Variants in GNG12 observed in about 807,000 individuals in gnomAD.
GNG12 encodes guanine nucleotide-binding protein G(I)/G(S)/G(O) subunit gamma-12.
For missense variants in GNG12, 69 were observed against 83.8 expected (o/e 0.82, Z 0.69); for synonymous variants, 28 against 29.7 (o/e 0.94, Z 0.19).
chr1:67,797,993 A>G (rs1480302504), intron 1 of GNG12, among the ~76,000 whole-genome samples: 1 of 152,018 alleles, frequency 6.6e-6, no homozygotes, highest in Admixed American at 6.6e-5. Context: ...TACTAATTAA[A>G]CTAGCCCACC....
At chr1:67,788,213 T>C (rs1330953889) in intron 1 of GNG12, among the ~76,000 whole-genome samples, 1 of 152,266 alleles carries the variant, frequency 6.6e-6, no homozygotes, top group East Asian at 1.9e-4. Flanking sequence ...ATCTGTGTGC[T>C]AACGTCAAAT....
At chr1:67,743,197 TA>T (rs1483421438) in intron 2 of GNG12, among the ~76,000 whole-genome samples, 7 of 151,856 alleles carry the variant, frequency 4.6e-5, no homozygotes, top group Non-Finnish European at 8.8e-5. Context: ...AGAATAGGAG[TA>T]GGGGCAGCTG....
intron 2 of GNG12, among the ~76,000 whole-genome samples, chr1:67,734,420 G>A (rs1431292960): frequency 1.3e-5 from 2 of 152,186 alleles, no homozygotes; most frequent in African/African-American, 4.8e-5. Context: ...TTCTGTATGT[G>A]CACAACGGTG....
intron 1 of GNG12, among the ~76,000 whole-genome samples, chr1:67,784,418 T>A (rs1243872039): frequency 6.6e-6 from 1 of 151,720 alleles, no homozygotes; most frequent in African/African-American, 2.4e-5. Context: ...TATACATATG[T>A]AACTAACCTG....
chr1:67,721,060 C>T (rs1438007453), intron 2 of GNG12, among the ~76,000 whole-genome samples: 2 of 152,194 alleles, frequency 1.3e-5, no homozygotes, highest in Admixed American at 6.5e-5. Flanking sequence ...GCCATCACTC[C>T]ACACTGCAGG....
At chr1:67,717,569 G>A (rs1368202300) in intron 2 of GNG12, among the ~76,000 whole-genome samples, 2 of 150,772 alleles carry the variant, frequency 1.3e-5, no homozygotes, top group African/African-American at 2.4e-5. Flanking sequence ...TCAAAGCTCT[G>A]AATAAGCAAA....
intron 1 of GNG12, among the ~76,000 whole-genome samples, chr1:67,798,826 A>G (rs1646847113): frequency 6.6e-6 from 1 of 152,052 alleles, no homozygotes; most frequent in Admixed American, 6.5e-5. Flanking sequence ...TGGTGGCACA[A>G]GCCTGTAGTC....
At chr1:67,747,830 C>A (rs909675615) in intron 2 of GNG12, among the ~76,000 whole-genome samples, 2 of 152,224 alleles carry the variant, frequency 1.3e-5, no homozygotes, top group African/African-American at 4.8e-5. Context: ...CAAACACCCA[C>A]AAACTGATGG....
At chr1:67,787,067 G>GTGTGTGTGTGTGTGTA (rs1646774810) in intron 1 of GNG12, among the ~76,000 whole-genome samples, 1 of 146,110 alleles carries the variant, frequency 6.8e-6, no homozygotes, top group Non-Finnish European at 1.5e-5. Flanking sequence ...GTGTGTGTGT[G>GTGTGTGTGTGTGTGTA]TGTATAGTCC....
At chr1:67,726,105 C>T (rs1011180239) in intron 2 of GNG12, among the ~76,000 whole-genome samples, 3 of 152,210 alleles carry the variant, frequency 2.0e-5, no homozygotes, top group Non-Finnish European at 4.4e-5. Flanking sequence ...CGGCTAATTT[C>T]AGCCTCAGGT....
intron 2 of GNG12, among the ~76,000 whole-genome samples, chr1:67,713,092 T>C (rs1367367788): frequency 1.3e-5 from 2 of 152,162 alleles, no homozygotes; most frequent in African/African-American, 4.8e-5. Context: ...GGCTTGCTGA[T>C]TGCCTTGTGT....
At chr1:67,827,541 T>C (rs557287008) in intron 1 of GNG12, among the ~76,000 whole-genome samples, 2 of 152,220 alleles carry the variant, frequency 1.3e-5, no homozygotes, top group South Asian at 2.1e-4. Context: ...TTTTCCTGCC[T>C]CAGCCTTCCA....
At chr1:67,763,658 G>C (rs1220906018) in intron 2 of GNG12, among the ~76,000 whole-genome samples, 1 of 151,854 alleles carries the variant, frequency 6.6e-6, no homozygotes, top group African/African-American at 2.4e-5. Flanking sequence ...TCAGCCTCCA[G>C]GGTAGCTGGG....
intron 1 of GNG12, among the ~76,000 whole-genome samples, chr1:67,818,107 A>G (rs1646964402): frequency 6.6e-6 from 1 of 152,124 alleles, no homozygotes; most frequent in South Asian, 2.1e-4. Context: ...TTCTCAATGG[A>G]TGAAGGAAAA....
At chr1:67,758,586 G>A (rs947027803) in intron 2 of GNG12, among the ~76,000 whole-genome samples, 3 of 152,220 alleles carry the variant, frequency 2.0e-5, no homozygotes, top group Non-Finnish European at 4.4e-5. Flanking sequence ...TAGTACAGCA[G>A]AGAGGGCTGG....
chr1:67,813,886 T>C (rs1436441637), intron 1 of GNG12, among the ~76,000 whole-genome samples: 4 of 152,102 alleles, frequency 2.6e-5, no homozygotes, highest in South Asian at 4.1e-4. Context: ...GTGTCAGGCA[T>C]AGTTGTAAGT....
chr1:67,771,865 G>A (rs1355030697), intron 2 of GNG12, among the ~76,000 whole-genome samples: 1 of 152,156 alleles, frequency 6.6e-6, no homozygotes, highest in Non-Finnish European at 1.5e-5. Flanking sequence ...TTAGGTAAAT[G>A]GCAACTATGA....
At chr1:67,786,933 A>ATGTG (rs1478985977) in intron 1 of GNG12, among the ~76,000 whole-genome samples, 31 of 52,098 alleles carry the variant, frequency 6.0e-4, no homozygotes, top group African/African-American at 1.2e-3. Context: ...ACTTATATAT[A>ATGTG]TATGTGTGTG....
intron 2 of GNG12, among the ~76,000 whole-genome samples, chr1:67,720,501 T>C (rs1646350828): frequency 6.6e-6 from 1 of 152,244 alleles, no homozygotes; most frequent in African/African-American, 2.4e-5. Context: ...GAGAGCCAGA[T>C]ATCTCATGTG....
Sources: allele counts gnomAD v4.1 joint callset (sites outside exome capture counted in the v4.1 genomes callset), GRCh38; gene constraint gnomAD v4.1.1; transcripts MANE v1.5; gene names NCBI Gene and HGNC (gene_info 2026-07-23, HGNC 2026-07-21).